Variants in TNFRSF11A observed in about 807,000 individuals in gnomAD.
TNFRSF11A encodes the protein TNF receptor superfamily member 11a, also known as tumor necrosis factor receptor superfamily member 11A.
Under a neutral mutation model 55.7 loss-of-function variants are expected in TNFRSF11A, and 32 were observed. That is an observed-to-expected ratio of 0.57 (90% CI 0.43 to 0.77). TNFRSF11A has a LOEUF of 0.77. TNFRSF11A is among the 30% of genes least tolerant of loss of function. TNFRSF11A has a pLI of 0.00. For missense variants in TNFRSF11A, 753 were observed against 809.8 expected (o/e 0.93, Z 0.85); for synonymous variants, 311 against 331.0 (o/e 0.94, Z 0.65).
chr18:62,370,318 C>A (rs896210707), intron 9 of TNFRSF11A, among the ~76,000 whole-genome samples: 1 of 152,122 alleles, frequency 6.6e-6, no homozygotes, highest in Admixed American at 6.5e-5. Context: ...GAGAATCTTC[C>A]GAAAGCTACA....
chr18:62,330,523 G>T (rs1008179954), intron 1 of TNFRSF11A, among the ~76,000 whole-genome samples: 1 of 152,202 alleles, frequency 6.6e-6, no homozygotes, highest in African/African-American at 2.4e-5. Context: ...GCACTCAAAG[G>T]CTTTAGGTAC....
In TNFRSF11A at chr18:62,325,345, C is replaced by T. The variant is rs1225601639; in HGVS notation, c.-8C>T. ...GAGGCCGCGGCGCCCGCCAGCCTGTCCCGCGCCATGGCCCCGCGCGCCCGG... is the reference window on the plus strand; with the variant it reads ...GAGGCCGCGGCGCCCGCCAGCCTGTTCCGCGCCATGGCCCCGCGCGCCCGG... On this transcript the variant is annotated 5_prime_UTR_variant, in exon 1 of 10. Coordinates refer to ENST00000586569, the MANE Select transcript of TNFRSF11A (RefSeq NM_003839.4). This position sits in a 1 kb window ranked among gnomAD's most constrained non-coding sequence, Gnocchi z 4.7. The T allele has an allele frequency of 5.9e-6, 6 of 1,019,944 alleles. No individual in the cohort carries two copies. The highest frequency in any genetic ancestry group is 7.0e-6 in the Non-Finnish European group (6 of 854,840). 63.2% of individuals were successfully genotyped at this position (1,019,944 alleles called of 1,614,324 possible).
In TNFRSF11A at chr18:62,383,589, T is replaced by C. The variant is rs549380629; in HGVS notation, c.1568-1162T>C. ...GGTGTTTCTAGATCTGCTTGGTTTG[T>C]GGCACTTTCCTAGACCAAAGTCTAG... On this transcript the variant is annotated intron_variant, in intron 9 of 9. Coordinates refer to ENST00000586569, the MANE Select transcript of TNFRSF11A (RefSeq NM_003839.4). The surrounding 1 kb of genome is among the most constrained non-coding windows in gnomAD (Gnocchi z 4.2). Among the ~76,000 whole-genome samples the C allele has an allele frequency of 6.6e-6, 1 of 152,228 alleles. No individual in the cohort carries two copies. Among genetic ancestry groups the C allele is most frequent in the South Asian group, 2.1e-4 (1 of 4,820 alleles).
chr18:62,358,644 C>T (rs941578841), intron 5 of TNFRSF11A, among the ~76,000 whole-genome samples: 2 of 152,200 alleles, frequency 1.3e-5, no homozygotes, highest in Non-Finnish European at 2.9e-5. Flanking sequence ...ATTCAGTGGT[C>T]ACGCCTACTT....
intron 9 of TNFRSF11A, among the ~76,000 whole-genome samples, chr18:62,382,869 A>G (rs1177577027): frequency 6.6e-6 from 1 of 152,150 alleles, no homozygotes; most frequent in African/African-American, 2.4e-5. Context: ...TTTCATAGAA[A>G]CATTTCCCAT....
rs922491988 is a variant in TNFRSF11A at position 62,378,197 on chromosome 18, TCTTA to T, written c.1568-6550_1568-6547del. 5.3e-5 allele frequency: 8 copies of T among 152,368 alleles called. No homozygotes were observed. The South Asian group carries it at 1.7e-3, about 32-fold the overall frequency. The allele number at this position is 152,368 out of a possible 1,614,324, so 9.4% of individuals were successfully genotyped here. ...ATACAGAAAGCAAATGTTAAGGAAT[TCTTA>T]CTTTTAGCAAGGACAGTTCAGGACT... On this transcript the variant is annotated intron_variant, in intron 9 of 9. Transcript: ENST00000586569.
At chr18:62,333,700 G>A (rs2046189148) in intron 1 of TNFRSF11A, among the ~76,000 whole-genome samples, 1 of 152,150 alleles carries the variant, frequency 6.6e-6, no homozygotes, top group Non-Finnish European at 1.5e-5. Flanking sequence ...TAAACTGCTT[G>A]TATAGTCAAC....
In TNFRSF11A at chr18:62,349,801, A is replaced by G. The variant is rs1249647493; in HGVS notation, c.158-11A>G. 1.9e-6 allele frequency: 3 copies of G among 1,613,346 alleles called. No homozygotes were observed. In the African/African-American group the frequency reaches 4.0e-5, roughly 22 times the overall value. ...TTTGATGGTTGCATTTTTCTCCCTC[A>G]TTTTTTTAAGGAAAGTACATGTCTT... On this transcript the variant is annotated splice_polypyrimidine_tract_variant and intron_variant, in intron 2 of 9. Transcript: ENST00000586569.
chr18:62,377,158 G>A (rs1308660228), intron 9 of TNFRSF11A, among the ~76,000 whole-genome samples: 2 of 152,120 alleles, frequency 1.3e-5, no homozygotes, highest in Non-Finnish European at 1.5e-5. Flanking sequence ...CTTGAGAGTC[G>A]CCCGCCTCGG....
At chr18:62,376,919 T>G (rs1011263615) in intron 9 of TNFRSF11A, among the ~76,000 whole-genome samples, 1 of 152,190 alleles carries the variant, frequency 6.6e-6, no homozygotes, top group African/African-American at 2.4e-5. Context: ...AGCTCTTTTC[T>G]TTTTTTATTT....
chr18:62,372,371 T>C (rs190320194), intron 9 of TNFRSF11A, among the ~76,000 whole-genome samples: 63 of 152,266 alleles, frequency 4.1e-4, no homozygotes, highest in Non-Finnish European at 7.9e-4. Flanking sequence ...AAAGAAACCA[T>C]AACTGCTTAT....
chr18:62,365,386 C>T (rs1034688347), intron 7 of TNFRSF11A, among the ~76,000 whole-genome samples: 4 of 152,192 alleles, frequency 2.6e-5, no homozygotes, highest in Non-Finnish European at 5.9e-5. Flanking sequence ...TTTTAGGTTT[C>T]ATCACTTCTG....
At chr18:62,382,107 C>CTTTTTTTTTTTTTTTTT (rs574488222) in intron 9 of TNFRSF11A, among the ~76,000 whole-genome samples, 1 of 89,414 alleles carries the variant, frequency 1.1e-5, no homozygotes, top group African/African-American at 4.2e-5. Context: ...TTCCTGAGTC[C>CTTTTTTTTTTTTTTTTT]TTTTTTTTTT....
At position 62,384,667 on chromosome 18, in the gene TNFRSF11A, C is replaced by CA. The variant is rs1301762970; in HGVS notation, c.1568-83dup. 7.9e-6 allele frequency: 12 copies of CA among 1,517,704 alleles called. No homozygotes were observed. The African/African-American group carries it at 1.5e-4, about 19-fold the overall frequency. The allele number at this position is 1,517,704 out of a possible 1,614,324, so 94.0% of individuals were successfully genotyped here. ...TGTGGGAATCCGGGGAGCCGCCCTC[C>CA]ACTCCCCGGAACCTTCCTCTCGGCA... is the stretch of plus-strand genomic sequence containing the variant. On this transcript the variant is annotated intron_variant, in intron 9 of 9. Transcript: ENST00000586569.
At position 62,388,518 on chromosome 18, in the gene TNFRSF11A, A is replaced by G. The variant is rs2145414846; in HGVS notation, c.*3484A>G. The stretch of plus-strand genomic sequence containing the variant: ...AAGATGGCCCCCTTGCCATCTGTCC[A>G]CCACAGGGCACTGCGTGGAGTAAAA... On this transcript the variant is annotated 3_prime_UTR_variant, in exon 10 of 10. Transcript: ENST00000586569. The G allele has an allele frequency of 6.6e-6, 1 of 152,406 alleles. No homozygotes were observed. The highest frequency in any genetic ancestry group is 1.9e-4 in the East Asian group (1 of 5,184). 9.4% of individuals were successfully genotyped at this position (152,406 alleles called of 1,614,324 possible).
chr18:62,358,784 T>C (rs938640243), intron 5 of TNFRSF11A, among the ~76,000 whole-genome samples: 2 of 152,208 alleles, frequency 1.3e-5, no homozygotes, highest in Admixed American at 1.3e-4. Flanking sequence ...ACATATTATA[T>C]CCTGAAGCTT....
intron 6 of TNFRSF11A, among the ~76,000 whole-genome samples, chr18:62,360,506 G>A (rs1909600047): frequency 6.6e-6 from 1 of 151,946 alleles, no homozygotes; most frequent in African/African-American, 2.4e-5. Flanking sequence ...GAGTGCAGTG[G>A]CGTGATATCA....
At chr18:62,342,310 G>A (rs2046323441) in intron 1 of TNFRSF11A, among the ~76,000 whole-genome samples, 1 of 147,308 alleles carries the variant, frequency 6.8e-6, no homozygotes, top group Admixed American at 7.0e-5. Flanking sequence ...GCTGAGGTGG[G>A]AGAATCTCTT....
chr18:62,386,469 C>T lies in TNFRSF11A; in HGVS notation c.*1435C>T, dbSNP rs1010866030. On this transcript the variant is annotated 3_prime_UTR_variant, in exon 10 of 10. Transcript: ENST00000586569. Reference sequence around the variant, plus strand: ...AAGGTGCCTTTCTCTTGGCATCATCCCGCTTGTGAGAAGCCTAGAGGACGC... The same window carrying T: ...AAGGTGCCTTTCTCTTGGCATCATCTCGCTTGTGAGAAGCCTAGAGGACGC... The T allele has an allele frequency of 6.6e-6, 1 of 152,142 alleles. No homozygotes were observed. Among genetic ancestry groups the T allele is most frequent in the African/African-American group, 2.4e-5 (1 of 41,426 alleles). 9.4% of individuals were successfully genotyped at this position (152,142 alleles called of 1,614,324 possible).
Sources: allele counts gnomAD v4.1 joint callset (sites outside exome capture counted in the v4.1 genomes callset), GRCh38; gene constraint gnomAD v4.1.1; non-coding constraint Gnocchi (gnomAD v3.1); transcripts MANE v1.5; gene names NCBI Gene and HGNC (gene_info 2026-07-23, HGNC 2026-07-21).